The following STPG2 variants were observed in gnomAD, a reference collection of about 807,000 sequenced individuals.
The protein encoded by STPG2 is sperm tail PG-rich repeat containing 2.
Under a neutral mutation model 54.2 loss-of-function variants are expected in STPG2, and 56 were observed. The observed-to-expected ratio is 1.03, with a 90% CI of 0.83 to 1.29. The LOEUF is 1.29. Among genes scored for constraint, STPG2 ranks in the 50% most tolerant of loss-of-function variants. The probability of loss-of-function intolerance (pLI) is 0.00; values close to 1 mark genes in which losing one functional copy is unlikely to be tolerated. For synonymous variants in STPG2, 200 were observed against 181.8 expected (o/e 1.10, Z -0.81); for missense variants, 596 against 544.9 (o/e 1.09, Z -0.93).
intron 10 of STPG2, among the ~76,000 whole-genome samples, chr4:97,629,973 C>T (rs890414632): frequency 1.2e-4 from 18 of 151,874 alleles, no homozygotes; most frequent in African/African-American, 4.3e-4. Flanking sequence ...AGACAAGAAA[C>T]CAATCTTTCC....
chr4:98,003,348 T>C (rs985929338), intron 5 of STPG2, among the ~76,000 whole-genome samples: 8 of 152,064 alleles, frequency 5.3e-5, no homozygotes, highest in Admixed American at 6.6e-5. Context: ...CATGCTCTGT[T>C]GGAACATTTG....
At chr4:97,459,526 G>A (rs999556990) in intron 4 of STPG2, among the ~76,000 whole-genome samples, 9 of 145,194 alleles carry the variant, frequency 6.2e-5, no homozygotes, top group South Asian at 2.2e-4. Flanking sequence ...TACAAGCTCC[G>A]CCTCCCGGGT....
intron 10 of STPG2, among the ~76,000 whole-genome samples, chr4:97,685,905 C>T (rs755380621): frequency 6.6e-6 from 1 of 152,102 alleles, no homozygotes; most frequent in African/African-American, 2.4e-5. Flanking sequence ...CAGTGTGCAA[C>T]ACAAAGAATA....
intron 5 of STPG2, among the ~76,000 whole-genome samples, chr4:98,032,729 T>A (rs893369071): frequency 2.6e-5 from 4 of 152,126 alleles, no homozygotes; most frequent in Admixed American, 6.5e-5. Context: ...AGAACGGAAA[T>A]CATAACAAAC....
intron 10 of STPG2, among the ~76,000 whole-genome samples, chr4:97,685,859 T>C (rs990579518): frequency 1.3e-5 from 2 of 152,196 alleles, no homozygotes; most frequent in South Asian, 2.1e-4. Flanking sequence ...TAATGTCCAT[T>C]TTTGTAAAAA....
At chr4:97,864,060 C>A (rs567346607) in intron 8 of STPG2, among the ~76,000 whole-genome samples, 4 of 152,130 alleles carry the variant, frequency 2.6e-5, no homozygotes, top group Non-Finnish European at 5.9e-5. Flanking sequence ...CCCTCTCTCA[C>A]CACTCCTATT....
At chr4:97,996,175 T>C (rs1436631974) in intron 5 of STPG2, among the ~76,000 whole-genome samples, 1 of 152,196 alleles carries the variant, frequency 6.6e-6, no homozygotes, top group African/African-American at 2.4e-5. Context: ...GACATCACAC[T>C]ACCTGACTTC....
chr4:97,810,027 T>C (rs552008824), intron 9 of STPG2, among the ~76,000 whole-genome samples: 3 of 152,186 alleles, frequency 2.0e-5, no homozygotes, highest in African/African-American at 4.8e-5. Context: ...TTTGTACATA[T>C]AGCATAATTA....
At chr4:97,906,296 C>A (rs1326583683) in intron 8 of STPG2, among the ~76,000 whole-genome samples, 1 of 152,190 alleles carries the variant, frequency 6.6e-6, no homozygotes, top group Non-Finnish European at 1.5e-5. Context: ...GAAACATACA[C>A]CCTCCCAAGA....
intron 8 of STPG2, among the ~76,000 whole-genome samples, chr4:97,848,236 C>T (rs540049178): frequency 6.6e-6 from 1 of 152,234 alleles, no homozygotes; most frequent in East Asian, 1.9e-4. Flanking sequence ...ATATCTTACT[C>T]TTCTGAATTA....
intron 8 of STPG2, among the ~76,000 whole-genome samples, chr4:97,859,822 C>A (rs1176485500): frequency 6.6e-6 from 1 of 152,144 alleles, no homozygotes; most frequent in African/African-American, 2.4e-5. Context: ...AGAAGTGTTT[C>A]TTTGATGTTA....
chr4:97,983,238 T>G (rs893338698), intron 5 of STPG2, among the ~76,000 whole-genome samples: 2 of 152,228 alleles, frequency 1.3e-5, no homozygotes, highest in Non-Finnish European at 1.5e-5. Context: ...TTCCTTGTGA[T>G]TTTTTAATAA....
intron 9 of STPG2, among the ~76,000 whole-genome samples, chr4:97,779,940 A>G (rs1202799563): frequency 6.6e-6 from 1 of 151,952 alleles, no homozygotes; most frequent in Non-Finnish European, 1.5e-5. Context: ...AGCACTAAAC[A>G]TGGAAAGGAA....
At chr4:97,511,846 A>T (rs1207446822) in intron 4 of STPG2, among the ~76,000 whole-genome samples, 1 of 152,100 alleles carries the variant, frequency 6.6e-6, no homozygotes, top group African/African-American at 2.4e-5. Context: ...TTTGCAAGAA[A>T]AAAAGGAAGA....
At chr4:97,874,083 T>C (rs1730089955) in intron 8 of STPG2, among the ~76,000 whole-genome samples, 1 of 151,522 alleles carries the variant, frequency 6.6e-6, no homozygotes, top group Non-Finnish European at 1.5e-5. Context: ...AGTGAAGAAT[T>C]TTCCATCAGA....
chr4:97,790,979 T>C (rs11937806), intron 9 of STPG2, among the ~76,000 whole-genome samples: 4,105 of 152,276 alleles, frequency 0.027, 187 homozygotes, highest in African/African-American at 0.092. Context: ...TAATATTCCA[T>C]CAGTTACGCA....
At chr4:97,945,305 A>G (rs1733165728) in intron 7 of STPG2, among the ~76,000 whole-genome samples, 1 of 152,220 alleles carries the variant, frequency 6.6e-6, no homozygotes, top group East Asian at 1.9e-4. Flanking sequence ...GTGAAACCAT[A>G]CAGTATTTGG....
intron 5 of STPG2, among the ~76,000 whole-genome samples, chr4:98,094,720 A>G (rs1057480787): frequency 3.3e-5 from 5 of 152,196 alleles, no homozygotes; most frequent in Middle Eastern, 3.4e-3. Context: ...CTCCACCTCA[A>G]ACCCCCATGG....
intron 5 of STPG2, among the ~76,000 whole-genome samples, chr4:98,072,527 T>G: frequency 6.6e-6 from 1 of 150,534 alleles, no homozygotes. Flanking sequence ...CTGCACATCC[T>G]GCACATGTAC....
Sources: gnomAD v4.1 joint callset for allele counts (sites outside exome capture counted in the v4.1 genomes callset) on GRCh38, gnomAD v4.1.1 for gene constraint, MANE v1.5 for transcripts, NCBI Gene and HGNC (gene_info 2026-07-23, HGNC 2026-07-21) for gene names.